IL17RD: variants seen among roughly 807,000 people sequenced by gnomAD.
IL17RD encodes interleukin 17 receptor D.
In IL17RD, 52 loss-of-function variants were observed where a neutral mutation model predicts 80.5. The observed-to-expected ratio is 0.65, with a 90% confidence interval of 0.52 to 0.81. The LOEUF (loss-of-function observed/expected upper bound fraction) is 0.81. IL17RD is among the 40% of genes least tolerant of loss of function. The pLI, the probability that IL17RD is intolerant of heterozygous loss-of-function variation, is 0.00. For missense variants in IL17RD, 1,024 were observed against 955.1 expected, an observed-to-expected ratio of 1.07 and a Z score of -0.95; for synonymous variants, 416 against 391.8, an observed-to-expected ratio of 1.06 and a Z score of -0.73.
intron 1 of IL17RD, among the ~76,000 whole-genome samples, chr3:57,146,720 A>G (rs1346670855): frequency 6.8e-6 from 1 of 146,074 alleles, no homozygotes; most frequent in Admixed American, 6.9e-5. Flanking sequence ...ACTGCACTCC[A>G]GCCTGGGCAA....
chr3:57,127,179 C>CATA (rs1183735765), intron 1 of IL17RD, among the ~76,000 whole-genome samples: 13 of 116,772 alleles, frequency 1.1e-4, no homozygotes, highest in African/African-American at 4.7e-4. Context: ...CTAAGGCCAA[C>CATA]TCATATATAT....
upstream of IL17RD, among the ~76,000 whole-genome samples, chr3:57,168,052 G>A (rs1181288487): frequency 1.3e-5 from 2 of 151,976 alleles, no homozygotes; most frequent in Non-Finnish European, 2.9e-5. Context: ...GGCTGGTCTC[G>A]AACTCCTAAC....
At position 57,092,486 on chromosome 3, in the gene IL17RD, G is replaced by A. The variant is rs1462916872; in HGVS notation, c.*3907C>T. 6.6e-6 allele frequency: 1 copy of A among 152,102 alleles called. No individual in the cohort carries two copies. The highest frequency in any genetic ancestry group is 1.5e-5 in the Non-Finnish European group (1 of 68,042). 9.4% of individuals were successfully genotyped at this position (152,102 alleles called of 1,614,324 possible). A position where few individuals can be genotyped will look rare whatever the true frequency, so the allele number is the denominator to read the frequency against. Reference sequence around the variant, plus strand: ...CGCCTGTAGTCCCAGCTACTCAGGAGGCTGAGGCAGGAGAATGGCGTGAAC... The same window carrying A: ...CGCCTGTAGTCCCAGCTACTCAGGAAGCTGAGGCAGGAGAATGGCGTGAAC... On this transcript the variant is annotated 3_prime_UTR_variant, in exon 13 of 13. Transcript: ENST00000296318.
intron 1 of IL17RD, among the ~76,000 whole-genome samples, chr3:57,154,279 T>TACACACACACACACACACACACACAC (rs779041353): frequency 4.0e-4 from 51 of 126,312 alleles, no homozygotes; most frequent in African/African-American, 1.6e-3. Context: ...TATATATATA[T>TACACACACACACACACACACACACAC]ATATACACAC....
intron 1 of IL17RD, among the ~76,000 whole-genome samples, chr3:57,124,803 C>T (rs1707414922): frequency 2.6e-5 from 4 of 152,158 alleles, no homozygotes; most frequent in Admixed American, 2.6e-4. Flanking sequence ...ATAAAATAGA[C>T]CTCCATGTCA....
intron 7 of IL17RD, 121 bp from the exon 8 acceptor site, chr3:57,104,528 T>C: frequency 1.5e-6 from 1 of 664,630 alleles, no homozygotes; most frequent in East Asian, 2.7e-5. Flanking sequence ...TTTCAGAAAA[T>C]GTGATTAGAT....
At chr3:57,108,834 G>A (rs1707026313) in intron 5 of IL17RD, among the ~76,000 whole-genome samples, 1 of 151,584 alleles carries the variant, frequency 6.6e-6, no homozygotes, top group Non-Finnish European at 1.5e-5. Flanking sequence ...TTTTTAACTA[G>A]AAATGGGGTC....
rs778766652 is a variant in IL17RD, at chr3:57,090,354, T to C, written c.*6039A>G. 6.6e-6 allele frequency: 1 copy of C among 152,346 alleles called. No individual in the cohort carries two copies. Among genetic ancestry groups the C allele is most frequent in the Admixed American group, 6.5e-5 (1 of 15,292 alleles). The allele number at this position is 152,346 out of a possible 1,614,324, so 9.4% of individuals were successfully genotyped here. On this transcript the variant is annotated 3_prime_UTR_variant, in exon 13 of 13. Coordinates refer to ENST00000296318, the MANE Select transcript of IL17RD (RefSeq NM_017563.5). ...ACACAATTGGTTTTCACAAAAGCTT[T>C]TGCTGCTGTCTGGACTCACCATGCT...
intron 5 of IL17RD, among the ~76,000 whole-genome samples, chr3:57,107,385 A>AAG (rs1553623315): frequency 6.6e-6 from 1 of 150,960 alleles, no homozygotes; most frequent in Non-Finnish European, 1.5e-5. Flanking sequence ...TCTCGAAAAA[A>AAG]AAAAAAAAAA....
At chr3:57,160,751 CT>C (rs1435746361) in intron 1 of IL17RD, among the ~76,000 whole-genome samples, 4 of 152,204 alleles carry the variant, frequency 2.6e-5, no homozygotes, top group South Asian at 2.1e-4. Flanking sequence ...TGTGGGACCC[CT>C]GTCCCCTAAA....
intron 1 of IL17RD, among the ~76,000 whole-genome samples, chr3:57,147,272 T>C (rs1038951348): frequency 6.6e-6 from 1 of 152,144 alleles, no homozygotes; most frequent in Non-Finnish European, 1.5e-5. Flanking sequence ...TGCTTACATC[T>C]TAAAACAAAC....
rs775803724 is a variant in IL17RD at position 57,097,927 on chromosome 3, C to T, written c.1776G>A (p.Met592Ile). Residue 592 changes from methionine to isoleucine, a missense_variant, in exon 12 of 13, where the codon ATG (methionine) becomes ATA (isoleucine). By Grantham distance (10) the Met-to-Ile change is conservative. Coordinates refer to ENST00000296318, the MANE Select transcript of IL17RD (RefSeq NM_017563.5). ...FDSGLVLNDV[M>I]CKPGPESDFC... ...AGTCACTCTCAGGCCCTGGTTTGCA[C>T]ATGACATCATTTAAAACCAAGCCCG... 1.2e-6 allele frequency: 2 copies of T among 1,613,942 alleles called. No homozygotes were observed. The highest frequency in any genetic ancestry group is 1.3e-5 in the African/African-American group (1 of 74,942).
chr3:57,153,624 T>C (rs1296171472), intron 1 of IL17RD, among the ~76,000 whole-genome samples: 1 of 152,234 alleles, frequency 6.6e-6, no homozygotes, highest in Non-Finnish European at 1.5e-5. Context: ...AGCAAAACGT[T>C]ATGAATTGGT....
chr3:57,101,435 C>T, intron 10 of IL17RD, 72 bp from the exon 11 acceptor site: 1 of 1,003,182 alleles, frequency 1.0e-6, no homozygotes, highest in Admixed American at 2.4e-5. Context: ...AATTGAAACC[C>T]AGTGCTATCT....
In IL17RD at chr3:57,103,111, A is replaced by T; in HGVS notation, c.848T>A (p.Met283Lys). 6.2e-7 allele frequency: 1 copy of T among 1,602,880 alleles called. No individual in the cohort carries two copies. The change falls in exon 9 of 13, where the codon ATG becomes AAG. Residue 283 changes from methionine to lysine, a missense_variant. Transcript: ENST00000296318. The stretch of plus-strand genomic sequence containing the variant: ...CCTACCTGGCTTTAAGGCATAATGC[A>T]TCACTTTTCTTGTTGTGTTAGTGTC... ...VDDTNTTRKV[M>K]HYALKPVHSP...
At position 57,106,958 on chromosome 3, in the gene IL17RD, C is replaced by T. The variant is rs556386633; in HGVS notation, c.551-804G>A. On this transcript the variant is annotated intron_variant, in intron 5 of 12. Coordinates refer to ENST00000296318, the MANE Select transcript of IL17RD (RefSeq NM_017563.5). ...AACGGGAAAAATTCATCTTAAATTA[C>T]ACTAATTTTGATTTAGGTGAGGCTT... Among the ~76,000 whole-genome samples the T allele has an allele frequency of 9.8e-4, 149 of 152,282 alleles. 1 individual carries two copies. Among genetic ancestry groups the T allele is most frequent in the African/African-American group, 3.6e-3 (149 of 41,554 alleles).
intron 3 of IL17RD, among the ~76,000 whole-genome samples, chr3:57,110,899 C>G (rs1260178363): frequency 6.6e-6 from 1 of 152,262 alleles, no homozygotes; most frequent in Non-Finnish European, 1.5e-5. Flanking sequence ...GGCAGACACC[C>G]AAGGGTTGCC....
chr3:57,153,391 A>C (rs1559486097), intron 1 of IL17RD, among the ~76,000 whole-genome samples: 3 of 152,250 alleles, frequency 2.0e-5, no homozygotes, highest in Non-Finnish European at 2.9e-5. Context: ...GAACCTATTC[A>C]TGAGGAAACA....
chr3:57,117,106 T>A (rs146477144), intron 2 of IL17RD, among the ~76,000 whole-genome samples: 132 of 130,940 alleles, frequency 1.0e-3, no homozygotes, highest in African/African-American at 3.5e-3. Flanking sequence ...CAATATAAAG[T>A]TTAAGAATTT....
Sources: gnomAD v4.1 joint callset for allele counts (sites outside exome capture counted in the v4.1 genomes callset) on GRCh38, gnomAD v4.1.1 for gene constraint, MANE v1.5 for transcripts, NCBI Gene and HGNC (gene_info 2026-07-23, HGNC 2026-07-21) for gene names.